DEPDC1: variants seen among roughly 807,000 people sequenced by gnomAD.
DEPDC1 encodes DEP domain-containing protein 1A.
A neutral mutation model predicts 86.8 loss-of-function variants in DEPDC1; 66 were observed. The observed-to-expected ratio is 0.76, with a 90% CI of 0.62 to 0.93. DEPDC1 has a LOEUF of 0.93. Among genes scored for constraint, DEPDC1 ranks in the 40% least tolerant of loss-of-function variants. The pLI is 0.00. For missense variants in DEPDC1, 792 were observed against 935.7 expected (o/e 0.85, Z 2.00); for synonymous variants, 255 against 314.9 (o/e 0.81, Z 2.02).
At chr1:68,484,720 A>T (rs1364122218) in intron 6 of DEPDC1, among the ~76,000 whole-genome samples, 1 of 151,998 alleles carries the variant, frequency 6.6e-6, no homozygotes, top group Non-Finnish European at 1.5e-5. Flanking sequence ...CACAAGGCCC[A>T]GGACTTTTAA....
Position 68,494,428 on chromosome 1 carries a change from A to G in DEPDC1, c.314+2T>C. On this transcript the variant is annotated splice_donor_variant, in intron 2 of 11. Transcript: ENST00000456315. LOFTEE classifies it high-confidence loss of function. ...TTTTACAGTTACATATCTGTTCATT[A>G]CCTGAAGAGCTGGTTGTTATCATCA... 6.2e-7 allele frequency: 1 copy of G among 1,612,138 alleles called. No individual in the cohort carries two copies. The highest frequency in any genetic ancestry group is 1.1e-5 in the South Asian group (1 of 90,900).
chr1:68,478,959 A>T (rs1276159687), intron 10 of DEPDC1, among the ~76,000 whole-genome samples, 185 bp downstream of exon 10: 1 of 152,066 alleles, frequency 6.6e-6, no homozygotes, highest in Admixed American at 6.6e-5. Context: ...CAACACAGAA[A>T]TAAGAGATGG....
At position 68,497,081 on chromosome 1, in the gene DEPDC1, A is replaced by T. The variant is rs913052496; in HGVS notation, c.-82T>A. On this transcript the variant is annotated 5_prime_UTR_variant, in exon 1 of 12. Coordinates refer to ENST00000456315, the MANE Select transcript of DEPDC1 (RefSeq NM_001114120.3). ...GGCCGCGGCAGTGGCGAGTCTCGGCACAACCGTTGGCCCCGCCGCCGATTT... is the reference window on the plus strand; with the variant it reads ...GGCCGCGGCAGTGGCGAGTCTCGGCTCAACCGTTGGCCCCGCCGCCGATTT... 7.3e-6 allele frequency: 11 copies of T among 1,498,570 alleles called. No homozygotes were observed. The highest frequency in any genetic ancestry group is 1.0e-5 in the Non-Finnish European group (11 of 1,083,448). The allele number at this position is 1,498,570 out of a possible 1,614,324, so 92.8% of individuals were successfully genotyped here.
intron 1 of DEPDC1, 104 bp from the exon 2 acceptor site, chr1:68,494,799 T>G (rs1420880383): frequency 4.5e-6 from 4 of 886,478 alleles, no homozygotes; most frequent in East Asian, 5.3e-5. Context: ...CACATCTGAT[T>G]ATATCATAAA....
chr1:68,481,465 T>C lies in DEPDC1; in HGVS notation c.1910A>G (p.His637Arg), dbSNP rs769529504. ...CAGTGACCTCGTACCCATTGCATCATGAAGTTTGGGCATATCAACATTTTG... is the reference window on the plus strand; with the variant it reads ...CAGTGACCTCGTACCCATTGCATCACGAAGTTTGGGCATATCAACATTTTG... ...MSQNVDMPKL[H>R]DAMGTRSLMI... Residue 637 changes from histidine (H) to arginine (R), a missense_variant, in exon 9 of 12, where the codon CAT (histidine) becomes CGT (arginine). Transcript: ENST00000456315. The C allele has an allele frequency of 6.2e-7, 1 of 1,612,318 alleles. No homozygotes were observed. Among genetic ancestry groups the C allele is most frequent in the Non-Finnish European group, 8.5e-7 (1 of 1,178,936 alleles).
rs1557617863 is a variant in DEPDC1, at chr1:68,482,114, CAG to C, written c.1692_1693del (p.Cys565GlnfsTer50). The C allele has an allele frequency of 8.1e-6, 13 of 1,610,270 alleles. 1 individual carries two copies. The highest frequency in any genetic ancestry group is 5.5e-5 in the South Asian group (5 of 90,316). On this transcript the variant is annotated frameshift_variant, in exon 8 of 12. Transcript: ENST00000456315. LOFTEE classifies it high-confidence loss of function. ...TTCTGAAAGTTCTATTGTACTTTTG[CAG>C]AGTCTTTTATTGATTGTGGCACTAG... is the stretch of plus-strand genomic sequence containing the variant.
Position 68,494,481 on chromosome 1 carries a change from A to T in DEPDC1, c.263T>A (p.Ile88Asn), listed in dbSNP as rs1237079769. The T allele has an allele frequency of 6.2e-7, 1 of 1,613,702 alleles. No homozygotes were observed. The highest frequency in any genetic ancestry group is 8.5e-7 in the Non-Finnish European group (1 of 1,179,738). The part of the protein sequence containing the change: ...KFLKNHVIED[I>N]KGRWGSENVD... Reference sequence around the variant, plus strand: ...ATTTTCTGATCCCCACCTCCCTTTGATATCTTCAATTACATGATTCTTAAG... The same window carrying T: ...ATTTTCTGATCCCCACCTCCCTTTGTTATCTTCAATTACATGATTCTTAAG... Residue 88 changes from isoleucine (I) to asparagine (N), a missense_variant, in exon 2 of 12, where the codon ATC becomes AAC. Coordinates refer to ENST00000456315, the MANE Select transcript of DEPDC1 (RefSeq NM_001114120.3).
intron 9 of DEPDC1, among the ~76,000 whole-genome samples, chr1:68,480,411 T>C (rs1646147436): frequency 6.6e-6 from 1 of 152,008 alleles, no homozygotes; most frequent in Non-Finnish European, 1.5e-5. Flanking sequence ...GTTTCCTGTC[T>C]CCTTCCATGG....
At chr1:68,484,133 A>G (rs778950606) in intron 6 of DEPDC1, 43 bp from the exon 7 acceptor site, 1 of 1,386,134 alleles carries the variant, frequency 7.2e-7, no homozygotes. Context: ...GTATATTTTA[A>G]TTTAAATACA....
At chr1:68,478,919 A>C (rs1378337641) in intron 10 of DEPDC1, among the ~76,000 whole-genome samples, 1 of 151,810 alleles carries the variant, frequency 6.6e-6, no homozygotes, top group East Asian at 1.9e-4. Flanking sequence ...ATTCCTCATC[A>C]TGTGAAGGAG....
In DEPDC1 at chr1:68,481,954, G is replaced by A. The variant is rs1007242336; in HGVS notation, c.1762+92C>T. 18 of 1,280,182 alleles carry A rather than the reference G, an allele frequency of 1.4e-5. No individual in the cohort carries two copies. In the South Asian group the frequency reaches 2.8e-4, roughly 20 times the overall value. 79.3% of individuals were successfully genotyped at this position (1,280,182 alleles called of 1,614,324 possible). A position where few individuals can be genotyped will look rare whatever the true frequency, so the allele number is the denominator to read the frequency against. On this transcript the variant is annotated intron_variant, in intron 8 of 11. Transcript: ENST00000456315. ...TTCCTCTTGGAGGAAAAAAAATTAAGCAACTTCAAGGAAGAAAAGCCAGGT... is the reference window on the plus strand; with the variant it reads ...TTCCTCTTGGAGGAAAAAAAATTAAACAACTTCAAGGAAGAAAAGCCAGGT...
Position 68,483,688 on chromosome 1 carries a change from T to C in DEPDC1, c.910+262A>G, listed in dbSNP as rs1272367194. The stretch of plus-strand genomic sequence containing the variant: ...TTGAGGTCTAGCTTTTATAATAAAC[T>C]AATAGTCATAGTTAAAGTGCTTTTC... On this transcript the variant is annotated intron_variant, in intron 7 of 11. Coordinates refer to ENST00000456315, the MANE Select transcript of DEPDC1 (RefSeq NM_001114120.3). 1.3e-5 allele frequency: 4 copies of C among 297,202 alleles called. No individual in the cohort carries two copies. In the Admixed American group the frequency reaches 1.5e-4, roughly 11 times the overall value. The allele number at this position is 297,202 out of a possible 1,614,324, so 18.4% of individuals were successfully genotyped here.
In DEPDC1 at chr1:68,479,323, A is replaced by G; in HGVS notation, c.1936-3T>C. On this transcript the variant is annotated splice_polypyrimidine_tract_variant and splice_region_variant and intron_variant, in intron 9 of 11. Transcript: ENST00000456315. Reference sequence around the variant, plus strand: ...CATCGAGAAAAGGTATGTATCATCTAGAAAAATATTAAAAGATGTGAATTT... The same window carrying G: ...CATCGAGAAAAGGTATGTATCATCTGGAAAAATATTAAAAGATGTGAATTT... 6.4e-7 allele frequency: 1 copy of G among 1,567,340 alleles called. No individual in the cohort carries two copies. The highest frequency in any genetic ancestry group is 1.2e-5 in the South Asian group (1 of 83,282).
chr1:68,479,466 C>T (rs1424984859), intron 9 of DEPDC1, 146 bp from the exon 10 acceptor site: 1 of 569,504 alleles, frequency 1.8e-6, no homozygotes, highest in Non-Finnish European at 3.0e-6. Context: ...ACGATTTATA[C>T]AGTTAGAAAT....
chr1:68,496,629 C>T lies in DEPDC1; in HGVS notation c.48+323G>A. The T allele has an allele frequency of 3.3e-6, 1 of 301,268 alleles. No individual in the cohort carries two copies. The highest frequency in any genetic ancestry group is 6.1e-6 in the Non-Finnish European group (1 of 163,936). The allele number at this position is 301,268 out of a possible 1,614,324, so 18.7% of individuals were successfully genotyped here. On this transcript the variant is annotated intron_variant, in intron 1 of 11. Transcript: ENST00000456315. This position sits in a 1 kb window ranked among gnomAD's most constrained non-coding sequence, Gnocchi z 4.0. ...GTAGAAAATCAGGCGAGGTGAGCGGCCAAATCGGAATATTCTAAGACGCCC... is the reference window on the plus strand; with the variant it reads ...GTAGAAAATCAGGCGAGGTGAGCGGTCAAATCGGAATATTCTAAGACGCCC...
At chr1:68,488,782 A>T (rs1283856683) in intron 4 of DEPDC1, 134 bp downstream of exon 4, 6 of 718,144 alleles carry the variant, frequency 8.4e-6, no homozygotes, top group Admixed American at 2.5e-5. Flanking sequence ...GTATTTATTT[A>T]AAAACACATA....
At chr1:68,488,785 A>T (rs1646210280) in intron 4 of DEPDC1, 131 bp downstream of exon 4, 1 of 728,116 alleles carries the variant, frequency 1.4e-6, no homozygotes, top group South Asian at 1.6e-5. Flanking sequence ...TTTATTTAAA[A>T]ACACATATAC....
At position 68,489,447 on chromosome 1, in the gene DEPDC1, G is replaced by A; in HGVS notation, c.471+5C>T. Reference sequence around the variant, plus strand: ...AAACTAGTAATTAGTAAAAGGATGTGTTACCTGAGATAAATGTAATCCATG... The same window carrying A: ...AAACTAGTAATTAGTAAAAGGATGTATTACCTGAGATAAATGTAATCCATG... On this transcript the variant is annotated splice_donor_5th_base_variant and intron_variant, in intron 3 of 11. Transcript: ENST00000456315. 2.0e-6 allele frequency: 3 copies of A among 1,479,248 alleles called. No individual in the cohort carries two copies. Among genetic ancestry groups the A allele is most frequent in the South Asian group, 1.4e-5 (1 of 69,148 alleles). 91.6% of individuals were successfully genotyped at this position (1,479,248 alleles called of 1,614,324 possible). A position where few individuals can be genotyped will look rare whatever the true frequency, so the allele number is the denominator to read the frequency against.
At chr1:68,480,102 A>G (rs939519259) in intron 9 of DEPDC1, among the ~76,000 whole-genome samples, 7 of 152,048 alleles carry the variant, frequency 4.6e-5, no homozygotes, top group Non-Finnish European at 1.5e-5. Context: ...GTTTTTAAAA[A>G]TGTTTATTCT....
Sources: gnomAD v4.1 joint callset for allele counts (sites outside exome capture counted in the v4.1 genomes callset) on GRCh38, gnomAD v4.1.1 for gene constraint, Gnocchi (gnomAD v3.1) non-coding constraint, MANE v1.5 for transcripts, NCBI Gene and HGNC (gene_info 2026-07-23, HGNC 2026-07-21) for gene names.